Variants in NWD2 observed in about 807,000 individuals in gnomAD.
NWD2 encodes the protein NACHT and WD repeat domain-containing protein 2.
NWD2 carries 37 observed loss-of-function variants against 132.7 expected under a neutral mutation model. The ratio of observed to expected loss-of-function variants is 0.28; its 90% CI spans 0.21 to 0.37. The LOEUF is 0.37. NWD2 is among the 10% of genes least tolerant of loss of function. The pLI, the probability that NWD2 is intolerant of heterozygous loss-of-function variation, is 1.00. For missense variants in NWD2, 1,592 were observed against 2,122.4 expected, an observed-to-expected ratio of 0.75 and a Z score of 4.91; for synonymous variants, 705 against 803.0, an observed-to-expected ratio of 0.88 and a Z score of 2.06.
intron 3 of NWD2, among the ~76,000 whole-genome samples, chr4:37,407,555 A>T (rs1414569647): frequency 6.6e-6 from 1 of 152,234 alleles, no homozygotes; most frequent in Non-Finnish European, 1.5e-5. Context: ...CCAACCAATC[A>T]GTGACGTGAG....
At chr4:37,284,436 C>T (rs1718186172) in intron 1 of NWD2, among the ~76,000 whole-genome samples, 1 of 152,184 alleles carries the variant, frequency 6.6e-6, no homozygotes, top group Non-Finnish European at 1.5e-5. Context: ...AGAGCTATCC[C>T]ATCCAGAGTC....
At chr4:37,399,363 A>G (rs865880339) in intron 3 of NWD2, among the ~76,000 whole-genome samples, 1 of 152,182 alleles carries the variant, frequency 6.6e-6, no homozygotes, top group Non-Finnish European at 1.5e-5. Flanking sequence ...ACCCCAGTTT[A>G]TATTATTTTT....
At chr4:37,393,449 A>G (rs1164511065) in intron 3 of NWD2, among the ~76,000 whole-genome samples, 1 of 152,196 alleles carries the variant, frequency 6.6e-6, no homozygotes, top group Non-Finnish European at 1.5e-5. Flanking sequence ...AAATGTCAAA[A>G]CATGTGATAA....
chr4:37,352,045 A>G (rs1719779036), intron 2 of NWD2, among the ~76,000 whole-genome samples: 2 of 152,048 alleles, frequency 1.3e-5, no homozygotes, highest in South Asian at 2.1e-4. Context: ...CTGAGAGACT[A>G]TTTTGTTATG....
chr4:37,361,587 A>G (rs1719982657), intron 3 of NWD2, among the ~76,000 whole-genome samples: 2 of 152,162 alleles, frequency 1.3e-5, no homozygotes, highest in African/African-American at 4.8e-5. Flanking sequence ...AAACCATATG[A>G]TCATCTCCAT....
At chr4:37,380,206 G>A (rs908161599) in intron 3 of NWD2, among the ~76,000 whole-genome samples, 3 of 152,212 alleles carry the variant, frequency 2.0e-5, no homozygotes, top group Non-Finnish European at 4.4e-5. Context: ...CTAGAAAATT[G>A]TAGTTGGAAT....
At chr4:37,399,239 G>A (rs1720858928) in intron 3 of NWD2, among the ~76,000 whole-genome samples, 1 of 152,166 alleles carries the variant, frequency 6.6e-6, no homozygotes, top group African/African-American at 2.4e-5. Context: ...CACCAGCAGA[G>A]CCAATCACAT....
At chr4:37,295,657 A>G (rs1718475152) in intron 1 of NWD2, among the ~76,000 whole-genome samples, 1 of 152,194 alleles carries the variant, frequency 6.6e-6, no homozygotes. Context: ...AGTGATTCCC[A>G]TAACTTCGTC....
At chr4:37,285,585 A>G (rs1422391245) in intron 1 of NWD2, among the ~76,000 whole-genome samples, 2 of 152,180 alleles carry the variant, frequency 1.3e-5, no homozygotes, top group African/African-American at 4.8e-5. Context: ...TGCTGTCCAA[A>G]TGAAGGATGC....
chr4:37,383,747 T>G (rs991960025), intron 3 of NWD2, among the ~76,000 whole-genome samples: 4 of 152,194 alleles, frequency 2.6e-5, no homozygotes, highest in Non-Finnish European at 1.5e-5. Context: ...AGGATGAGAG[T>G]GCCCCATGGC....
chr4:37,344,489 G>T (rs1719591113), intron 2 of NWD2, among the ~76,000 whole-genome samples: 1 of 152,126 alleles, frequency 6.6e-6, no homozygotes, highest in Non-Finnish European at 1.5e-5. Flanking sequence ...GGCAATACTG[G>T]TAGCCAAACT....
intron 3 of NWD2, among the ~76,000 whole-genome samples, chr4:37,382,048 G>A (rs560143676): frequency 7.9e-5 from 12 of 152,272 alleles, no homozygotes; most frequent in African/African-American, 2.9e-4. Context: ...CACTGCTCCA[G>A]CATCTCACAA....
At chr4:37,289,613 A>C (rs1718317043) in intron 1 of NWD2, among the ~76,000 whole-genome samples, 1 of 152,214 alleles carries the variant, frequency 6.6e-6, no homozygotes, top group Non-Finnish European at 1.5e-5. Flanking sequence ...CATTAAATAC[A>C]CTTCAATATT....
chr4:37,354,625 C>T (rs1056133436), intron 2 of NWD2, among the ~76,000 whole-genome samples: 2 of 152,208 alleles, frequency 1.3e-5, no homozygotes, highest in African/African-American at 2.4e-5. Context: ...TTGTCCTTCT[C>T]AGGACAGGAG....
intron 3 of NWD2, among the ~76,000 whole-genome samples, chr4:37,391,372 A>G (rs75727737): frequency 0.036 from 5,518 of 152,312 alleles, 113 homozygotes; most frequent in Middle Eastern, 0.068. Flanking sequence ...GCAGGCAGCT[A>G]GCTGGTCAGA....
intron 3 of NWD2, among the ~76,000 whole-genome samples, chr4:37,419,739 T>G (rs1711750295): frequency 6.6e-6 from 1 of 152,202 alleles, no homozygotes; most frequent in African/African-American, 2.4e-5. Flanking sequence ...TAGAGCAGAC[T>G]TACGTACCAC....
intron 1 of NWD2, among the ~76,000 whole-genome samples, chr4:37,254,296 A>G (rs1227650472): frequency 6.6e-6 from 1 of 152,262 alleles, no homozygotes; most frequent in African/African-American, 2.4e-5. Flanking sequence ...TTTCACTGAT[A>G]CAGTAGGAAA....
chr4:37,386,636 T>C (rs960342934), intron 3 of NWD2, among the ~76,000 whole-genome samples: 1 of 152,178 alleles, frequency 6.6e-6, no homozygotes, highest in African/African-American at 2.4e-5. Context: ...CAGAGCAGAA[T>C]TTTTTATATT....
intron 1 of NWD2, among the ~76,000 whole-genome samples, chr4:37,263,825 AGAAAT>A (rs1049708351): frequency 2.6e-5 from 4 of 152,342 alleles, no homozygotes; most frequent in Middle Eastern, 3.4e-3. Context: ...TTTTAAAAAA[AGAAAT>A]GAAATGATTT....
Sources: allele counts gnomAD v4.1 joint callset (sites outside exome capture counted in the v4.1 genomes callset), GRCh38; gene constraint gnomAD v4.1.1; transcripts MANE v1.5; gene names NCBI Gene and HGNC (gene_info 2026-07-23, HGNC 2026-07-21).